The following LDHA variants were observed in gnomAD, a reference collection of about 807,000 sequenced individuals.
The protein encoded by LDHA is lactate dehydrogenase A.
LDHA carries 10 observed loss-of-function variants against 36.3 expected under a neutral mutation model. The ratio of observed to expected loss-of-function variants is 0.28; its 90% CI spans 0.17 to 0.47. The LOEUF (loss-of-function observed/expected upper bound fraction) is 0.47, where lower values mean the gene tolerates loss of function less well. LDHA is among the 20% of genes least tolerant of loss of function. The pLI is 0.99. For synonymous variants in LDHA, 110 were observed against 136.7 expected (o/e 0.80, Z 1.36); for missense variants, 267 against 405.8 (o/e 0.66, Z 2.94).
chr11:18,405,671 CT>C, intron 7 of LDHA, 99 bp downstream of exon 7: 1 of 1,319,150 alleles, frequency 7.6e-7, no homozygotes, highest in South Asian at 1.2e-5. Flanking sequence ...CCATTACTGA[CT>C]TAAGTGAAAT....
At chr11:18,396,610 G>A in intron 1 of LDHA, 2 of 1,393,704 alleles carry the variant, frequency 1.4e-6, no homozygotes, top group South Asian at 1.8e-5. Flanking sequence ...TCCACGCTAA[G>A]GTATGGGCCT....
chr11:18,394,738 C>T, intron 1 of LDHA, 102 bp downstream of exon 1: 3 of 444,866 alleles, frequency 6.7e-6, no homozygotes, highest in South Asian at 4.7e-5. Flanking sequence ...GATTCCTGCT[C>T]CCGGGAGGTG....
At chr11:18,405,804 A>G (rs1866661616) in intron 7 of LDHA, 1 of 466,858 alleles carries the variant, frequency 2.1e-6, no homozygotes, top group Admixed American at 3.4e-5. Context: ...GTCTTGTTCA[A>G]TTATGCTGAG....
Position 18,402,948 on chromosome 11 carries a change from A to C in LDHA, c.527A>C (p.Glu176Ala). The C allele has an allele frequency of 6.2e-7, 1 of 1,612,700 alleles. No homozygotes were observed. The highest frequency in any genetic ancestry group is 8.5e-7 in the Non-Finnish European group (1 of 1,178,732). ...DSARFRYLMG[E>A]RLGVHPLSCH... Reference sequence around the variant, plus strand: ...GCCCGATTCCGTTACCTAATGGGGGAAAGGCTGGGAGTTCACCCATTAAGC... The same window carrying C: ...GCCCGATTCCGTTACCTAATGGGGGCAAGGCTGGGAGTTCACCCATTAAGC... Residue 176 changes from glutamate (E) to alanine (A), a missense_variant, in exon 5 of 8, where the codon GAA becomes GCA. By Grantham distance (107) the Glu-to-Ala change is moderately radical. Coordinates refer to ENST00000422447, the MANE Select transcript of LDHA (RefSeq NM_005566.4).
chr11:18,399,417 T>C lies in LDHA; in HGVS notation c.127-14T>C, dbSNP rs764597107. ...GGCAATTTTCCATTTAACTAAAGAT[T>C]TGATGTCTTTTAGGACTTGGCAGAT... On this transcript the variant is annotated splice_polypyrimidine_tract_variant and intron_variant, in intron 2 of 7. Coordinates refer to ENST00000422447, the MANE Select transcript of LDHA (RefSeq NM_005566.4). 1.9e-5 allele frequency: 30 copies of C among 1,567,888 alleles called. No individual in the cohort carries two copies. In the Admixed American group the frequency reaches 4.7e-4, roughly 24 times the overall value.
rs1477661225 is a variant in LDHA, at chr11:18,407,934, G to A, written c.*653G>A. ...ATTTGGAAATATTAGGCTATTCTTG[G>A]GCAACCCTGCAACGATTTTTTCTAA... On this transcript the variant is annotated 3_prime_UTR_variant, in exon 8 of 8. Transcript: ENST00000422447. 1 of 453,976 alleles carries A rather than the reference G, an allele frequency of 2.2e-6. No individual in the cohort carries two copies. Among genetic ancestry groups the A allele is most frequent in the Non-Finnish European group, 4.4e-6 (1 of 226,776 alleles). 28.1% of individuals were successfully genotyped at this position (453,976 alleles called of 1,614,324 possible). A position where few individuals can be genotyped will look rare whatever the true frequency, so the allele number is the denominator to read the frequency against.
chr11:18,407,557 A>G lies in LDHA; in HGVS notation c.*276A>G, dbSNP rs1223307426. ...ACGCACCACTGCCAATGCTGTACGT[A>G]CTGCATTTGCCCCTTGAGCCAGGTG... On this transcript the variant is annotated 3_prime_UTR_variant, in exon 8 of 8. Transcript: ENST00000422447. 2 of 716,930 alleles carry G rather than the reference A, an allele frequency of 2.8e-6. No homozygotes were observed. Among genetic ancestry groups the G allele is most frequent in the African/African-American group, 1.7e-5 (1 of 57,414 alleles). The allele number at this position is 716,930 out of a possible 1,614,324, so 44.4% of individuals were successfully genotyped here.
intron 1 of LDHA, among the ~76,000 whole-genome samples, chr11:18,395,992 C>G (rs1042439180): frequency 1.3e-5 from 2 of 152,270 alleles, no homozygotes; most frequent in African/African-American, 4.8e-5. Flanking sequence ...CGCGCCAGAC[C>G]TGGGAGGCTG....
chr11:18,402,551 G>C, intron 4 of LDHA: 1 of 359,596 alleles, frequency 2.8e-6, no homozygotes, highest in Admixed American at 3.9e-5. Context: ...TCCCACCTCA[G>C]CCTCCCAAAG....
At chr11:18,405,041 C>T (rs563826730) in intron 6 of LDHA, among the ~76,000 whole-genome samples, 7 of 152,278 alleles carry the variant, frequency 4.6e-5, no homozygotes, top group African/African-American at 1.4e-4. Context: ...CTGTCCCCCT[C>T]ACGCTCCCAC....
Position 18,394,650 on chromosome 11 carries a change from C to A in LDHA, c.-25+14C>A, listed in dbSNP as rs981707334. The A allele has an allele frequency of 2.2e-6, 1 of 453,996 alleles. No individual in the cohort carries two copies. The highest frequency in any genetic ancestry group is 4.4e-6 in the Non-Finnish European group (1 of 226,714). The allele number at this position is 453,996 out of a possible 1,614,324, so 28.1% of individuals were successfully genotyped here. A position where few individuals can be genotyped will look rare whatever the true frequency, so the allele number is the denominator to read the frequency against. The stretch of plus-strand genomic sequence containing the variant: ...CGTGCATTCCCGGTACGGTAGGGCC[C>A]TGCGCGCACGGCGCCAGAGGGATGG... On this transcript the variant is annotated intron_variant, in intron 1 of 7. Coordinates refer to ENST00000422447, the MANE Select transcript of LDHA (RefSeq NM_005566.4).
rs191763215 is a variant in LDHA, at chr11:18,401,686, C to T, written c.418+676C>T. 1.1e-4 allele frequency among the ~76,000 whole-genome samples: 17 copies of T among 148,174 alleles called. No individual in the cohort carries two copies. In the East Asian group the frequency reaches 3.3e-3, roughly 29 times the overall value. The stretch of plus-strand genomic sequence containing the variant: ...TAGAGACGGGGTTTCATCAGGTTAG[C>T]CAGGATGGTCTCGATCTCCTGACCT... On this transcript the variant is annotated intron_variant, in intron 4 of 7. Coordinates refer to ENST00000422447, the MANE Select transcript of LDHA (RefSeq NM_005566.4).
chr11:18,405,752 C>T, intron 7 of LDHA, 180 bp downstream of exon 7: 1 of 636,224 alleles, frequency 1.6e-6, no homozygotes, highest in Non-Finnish European at 2.7e-6. Flanking sequence ...GTCCATTAGG[C>T]CTGTTCAACA....
At position 18,407,005 on chromosome 11, in the gene LDHA, C is replaced by CA. The variant is rs56345574; in HGVS notation, c.835-103dup. 411,722 of 714,736 alleles carry CA rather than the reference C, an allele frequency of 0.58. 102,283 individuals carry two copies. Among genetic ancestry groups the CA allele is most frequent in the Admixed American group, 0.63 (18,675 of 29,758 alleles). The allele number at this position is 714,736 out of a possible 1,614,324, so 44.3% of individuals were successfully genotyped here. A position where few individuals can be genotyped will look rare whatever the true frequency, so the allele number is the denominator to read the frequency against. ...TGGGCGACAGAGCGAGACTCTGCCTCAAAAAAAAATTAAAAAAAAAAAGCT... is the reference window on the plus strand; with the variant it reads ...TGGGCGACAGAGCGAGACTCTGCCTCAAAAAAAAAATTAAAAAAAAAAAGCT... On this transcript the variant is annotated intron_variant, in intron 7 of 7. Coordinates refer to ENST00000422447, the MANE Select transcript of LDHA (RefSeq NM_005566.4).
At chr11:18,394,683 G>C (rs1244662998) in intron 1 of LDHA, 47 bp downstream of exon 1, 1 of 453,254 alleles carries the variant, frequency 2.2e-6, no homozygotes, top group Non-Finnish European at 4.4e-6. Context: ...TGGGCGGGTA[G>C]AGCCAACTGC....
chr11:18,406,435 A>AAAAG (rs71047593), intron 7 of LDHA, among the ~76,000 whole-genome samples: 16 of 146,982 alleles, frequency 1.1e-4, no homozygotes, highest in Admixed American at 7.4e-4. Flanking sequence ...AAAAAAAAAA[A>AAAAG]GGCCATGTGC....
chr11:18,399,553 AT>A lies in LDHA; in HGVS notation c.244+8del. ...CAAAGATTGTCTCTGGCAAAGGTTG[AT>A]TTCAACAAGTTTATATTATAATCCA... On this transcript the variant is annotated splice_donor_region_variant and intron_variant, in intron 3 of 7. Coordinates refer to ENST00000422447, the MANE Select transcript of LDHA (RefSeq NM_005566.4). 1 of 1,554,508 alleles carries A rather than the reference AT, an allele frequency of 6.4e-7. No individual in the cohort carries two copies. The highest frequency in any genetic ancestry group is 2.2e-5 in the East Asian group (1 of 44,598).
At position 18,405,470 on chromosome 11, in the gene LDHA, C is replaced by T. The variant is rs201227737; in HGVS notation, c.732C>T (p.Leu244=). 44 of 1,613,298 alleles carry T rather than the reference C, an allele frequency of 2.7e-5. No homozygotes were observed. The South Asian group carries it at 4.6e-4, about 17-fold the overall frequency. ...VVESAYEVIK[L]KGYTSWAIGL... is the part of the protein sequence containing the mutation. ...ACAGTGCTTATGAGGTGATCAAACT[C>T]AAAGGCTACACATCCTGGGCTATTG... is the stretch of plus-strand genomic sequence containing the variant. The change falls in exon 7 of 8, where the codon CTC becomes CTT. Residue 244 remains leucine (L), a synonymous_variant. Transcript: ENST00000422447.
At chr11:18,403,323 C>T (rs1866567119) in intron 5 of LDHA, among the ~76,000 whole-genome samples, 1 of 152,034 alleles carries the variant, frequency 6.6e-6, no homozygotes, top group East Asian at 1.9e-4. Context: ...TACTGCCTGG[C>T]CCTGAAAAGA....
Sources: allele counts gnomAD v4.1 joint callset (sites outside exome capture counted in the v4.1 genomes callset), GRCh38; gene constraint gnomAD v4.1.1; transcripts MANE v1.5; gene names NCBI Gene and HGNC (gene_info 2026-07-23, HGNC 2026-07-21).